ANKS1B: variants seen among roughly 807,000 people sequenced by gnomAD.
The protein encoded by ANKS1B is ankyrin repeat and sterile alpha motif domain-containing protein 1B.
Under a neutral mutation model 148.3 loss-of-function variants are expected in ANKS1B, and 36 were observed. That is an observed-to-expected ratio of 0.24 (90% CI 0.19 to 0.32). The LOEUF is 0.32. ANKS1B is among the 10% of genes least tolerant of loss of function. The probability of loss-of-function intolerance (pLI) is 1.00; values close to 1 mark genes in which losing one functional copy is unlikely to be tolerated. For synonymous variants in ANKS1B, 542 were observed against 560.8 expected, an observed-to-expected ratio of 0.97 and a Z score of 0.47; for missense variants, 1,157 against 1,542.6, an observed-to-expected ratio of 0.75 and a Z score of 4.19.
At position 99,886,078 on chromosome 12, in the gene ANKS1B, T is replaced by C. The variant is rs75005488; in HGVS notation, c.135-60689A>G. Among the ~76,000 whole-genome samples the C allele has an allele frequency of 2.3e-3, 350 of 152,314 alleles. 2 individuals carry two copies. The highest frequency in any genetic ancestry group is 8.2e-3 in the African/African-American group (340 of 41,562). ...TCTGTGATAAACATATGCAAGCACATGTATTTTTTTTATAGAGAGGTTGTA... is the reference window on the plus strand; with the variant it reads ...TCTGTGATAAACATATGCAAGCACACGTATTTTTTTTATAGAGAGGTTGTA... On this transcript the variant is annotated intron_variant, in intron 1 of 26. Transcript: ENST00000683438.
intron 17 of ANKS1B, among the ~76,000 whole-genome samples, chr12:98,890,706 T>C (rs1007780553): frequency 6.6e-6 from 1 of 152,238 alleles, no homozygotes; most frequent in African/African-American, 2.4e-5. Context: ...ACAAACATTA[T>C]TCTAATTGAA....
chr12:99,934,717 A>G (rs1350233921), intron 1 of ANKS1B, among the ~76,000 whole-genome samples: 1 of 152,134 alleles, frequency 6.6e-6, no homozygotes, highest in Non-Finnish European at 1.5e-5. Flanking sequence ...GGTGAAAAAG[A>G]TTAAATTCAG....
chr12:99,265,379 TC>T (rs2076349164), intron 12 of ANKS1B, among the ~76,000 whole-genome samples: 1 of 152,114 alleles, frequency 6.6e-6, no homozygotes, highest in Non-Finnish European at 1.5e-5. Context: ...GGCCCAGCAA[TC>T]TATATTTTTA....
At chr12:99,244,968 C>T (rs2090015467) in intron 13 of ANKS1B, among the ~76,000 whole-genome samples, 1 of 152,202 alleles carries the variant, frequency 6.6e-6, no homozygotes, top group Non-Finnish European at 1.5e-5. Flanking sequence ...GAGTCTCGTG[C>T]CTCAGCCTCC....
chr12:99,494,711 T>A (rs1274283759), intron 10 of ANKS1B, among the ~76,000 whole-genome samples: 1 of 117,646 alleles, frequency 8.5e-6, no homozygotes, highest in Non-Finnish European at 1.6e-5. Context: ...CCAGCCTAGG[T>A]GACAGAGGGA....
At chr12:99,416,826 G>A (rs959883470) in intron 11 of ANKS1B, among the ~76,000 whole-genome samples, 1 of 152,046 alleles carries the variant, frequency 6.6e-6, no homozygotes, top group Non-Finnish European at 1.5e-5. Flanking sequence ...GTTTTTCACA[G>A]AGCAAAAGTT....
chr12:98,978,075 T>A (rs952834704), intron 17 of ANKS1B, among the ~76,000 whole-genome samples: 10 of 151,682 alleles, frequency 6.6e-5, no homozygotes, highest in African/African-American at 2.4e-4. Flanking sequence ...TTAAAGTAGA[T>A]TTTTTTTTCA....
intron 14 of ANKS1B, among the ~76,000 whole-genome samples, chr12:99,239,611 A>G (rs2088821821): frequency 6.6e-6 from 1 of 152,204 alleles, no homozygotes; most frequent in Admixed American, 6.5e-5. Context: ...AAGACACATA[A>G]TCATCAGATT....
In ANKS1B at chr12:99,852,585, T is replaced by G. The variant is rs531032582; in HGVS notation, c.135-27196A>C. Among the ~76,000 whole-genome samples the G allele has an allele frequency of 4.6e-5, 7 of 151,930 alleles. No homozygotes were observed. The East Asian group carries it at 1.4e-3, about 29-fold the overall frequency. Reference sequence around the variant, plus strand: ...AAATAGAGAAAAACAGGAGAAAAAATGGCGGATAGGAGGTAGGACTAACTT... The same window carrying G: ...AAATAGAGAAAAACAGGAGAAAAAAGGGCGGATAGGAGGTAGGACTAACTT... On this transcript the variant is annotated intron_variant, in intron 1 of 26. Coordinates refer to ENST00000683438, the MANE Select transcript of ANKS1B (RefSeq NM_001352186.2).
chr12:99,925,418 G>A (rs566386689), intron 1 of ANKS1B, among the ~76,000 whole-genome samples: 4 of 152,228 alleles, frequency 2.6e-5, no homozygotes, highest in South Asian at 2.1e-4. Flanking sequence ...CCTGGGCTCC[G>A]GGAAGAATAA....
chr12:98,816,412 C>T (rs2099140950), intron 19 of ANKS1B, among the ~76,000 whole-genome samples: 1 of 152,178 alleles, frequency 6.6e-6, no homozygotes, highest in Non-Finnish European at 1.5e-5. Flanking sequence ...TCTTGTGCCT[C>T]AGCCTCCCGA....
chr12:99,874,022 C>CATATATATATATAT lies in ANKS1B; in HGVS notation c.135-48647_135-48634dup, dbSNP rs150860727. On this transcript the variant is annotated intron_variant, in intron 1 of 26. Transcript: ENST00000683438. ...TAAATCTCTCTCTCTCTCTCTCTCA[C>CATATATATATATAT]ATATATATATATATATATCCTGTTG... Among the ~76,000 whole-genome samples the CATATATATATATAT allele has an allele frequency of 8.4e-4, 116 of 137,900 alleles. 6 individuals are homozygous for CATATATATATATAT. The highest frequency in any genetic ancestry group is 3.6e-3 in the African/African-American group (115 of 31,536). The allele number at this position is 137,900 out of a possible 152,430, so 90.5% of individuals were successfully genotyped here.
chr12:99,699,719 G>A (rs1252487487), intron 8 of ANKS1B, among the ~76,000 whole-genome samples: 1 of 152,126 alleles, frequency 6.6e-6, no homozygotes, highest in Non-Finnish European at 1.5e-5. Context: ...ATTCATCAAT[G>A]CAAGTAACTA....
chr12:98,827,216 G>C (rs1445836708), intron 19 of ANKS1B, among the ~76,000 whole-genome samples: 4 of 152,088 alleles, frequency 2.6e-5, no homozygotes, highest in African/African-American at 9.7e-5. Context: ...TCATTGATCA[G>C]ATTCCTGTGG....
At chr12:99,572,982 C>T (rs1434695741) in intron 9 of ANKS1B, among the ~76,000 whole-genome samples, 2 of 151,880 alleles carry the variant, frequency 1.3e-5, no homozygotes, top group East Asian at 3.9e-4. Context: ...TCATTATTAT[C>T]ATCTCCATTT....
In ANKS1B at chr12:99,984,431, T is replaced by G; in HGVS notation, c.-194A>C. On this transcript the variant is annotated 5_prime_UTR_variant, in exon 1 of 27. Transcript: ENST00000683438. ...CCTCTTCGGGGCGCAGCTTTTACAATGGGGATCAGACCATGTCTTGAAAGA... is the reference window on the plus strand; with the variant it reads ...CCTCTTCGGGGCGCAGCTTTTACAAGGGGGATCAGACCATGTCTTGAAAGA... The G allele has an allele frequency of 3.8e-6, 2 of 527,828 alleles. No homozygotes were observed. Among genetic ancestry groups the G allele is most frequent in the East Asian group, 3.0e-5 (1 of 33,642 alleles). The allele number at this position is 527,828 out of a possible 1,614,324, so 32.7% of individuals were successfully genotyped here.
intron 9 of ANKS1B, among the ~76,000 whole-genome samples, chr12:99,525,192 C>A (rs1280937136): frequency 2.0e-5 from 3 of 152,126 alleles, no homozygotes; most frequent in African/African-American, 7.2e-5. Context: ...GAAGGCATCA[C>A]ACAGGGAGGC....
intron 8 of ANKS1B, among the ~76,000 whole-genome samples, chr12:99,708,080 G>T (rs2056096749): frequency 6.6e-6 from 1 of 152,094 alleles, no homozygotes. Context: ...GTCACAATCA[G>T]ACAAGCTGCC....
intron 11 of ANKS1B, among the ~76,000 whole-genome samples, chr12:99,415,315 CTT>C (rs1185740474): frequency 1.3e-5 from 2 of 152,142 alleles, no homozygotes; most frequent in Non-Finnish European, 2.9e-5. Flanking sequence ...ATTTTCCACA[CTT>C]AAGTTCTTTT....
Sources: allele counts gnomAD v4.1 joint callset (sites outside exome capture counted in the v4.1 genomes callset), GRCh38; gene constraint gnomAD v4.1.1; transcripts MANE v1.5; gene names NCBI Gene and HGNC (gene_info 2026-07-23, HGNC 2026-07-21).